Variants in TRPM3 observed in about 807,000 individuals in gnomAD.
TRPM3 encodes transient receptor potential cation channel subfamily M member 3, also known as long transient receptor potential channel 3.
A neutral mutation model predicts 181.2 loss-of-function variants in TRPM3; 77 were observed. That is an observed-to-expected ratio of 0.42 (90% confidence interval 0.35 to 0.51). The LOEUF is 0.51. TRPM3 is among the 20% of genes least tolerant of loss of function. TRPM3 has a pLI of 0.01. For missense variants in TRPM3, 1,759 were observed against 2,196.7 expected, an observed-to-expected ratio of 0.80 and a Z score of 3.98; for synonymous variants, 745 against 796.4, an observed-to-expected ratio of 0.94 and a Z score of 1.09.
At chr9:70,954,296 G>A (rs914386513) in intron 1 of TRPM3, among the ~76,000 whole-genome samples, 4 of 152,042 alleles carry the variant, frequency 2.6e-5, no homozygotes, top group Non-Finnish European at 5.9e-5. Flanking sequence ...AGCATGTCCC[G>A]CAGGCCTCTT....
At chr9:70,780,919 T>C (rs1394390391) in intron 7 of TRPM3, among the ~76,000 whole-genome samples, 1 of 152,198 alleles carries the variant, frequency 6.6e-6, no homozygotes, top group Non-Finnish European at 1.5e-5. Context: ...AAACTCATAT[T>C]CTTTGATAAT....
At chr9:70,608,732 C>G (rs186408131) in intron 19 of TRPM3, among the ~76,000 whole-genome samples, 4 of 152,070 alleles carry the variant, frequency 2.6e-5, no homozygotes, top group Non-Finnish European at 2.9e-5. Context: ...CCCAGCTACT[C>G]GGGAGGCTGA....
chr9:70,573,640 A>C (rs1390566990), intron 22 of TRPM3, among the ~76,000 whole-genome samples: 2 of 151,872 alleles, frequency 1.3e-5, no homozygotes, highest in Non-Finnish European at 2.9e-5. Context: ...CAAAACAAAA[A>C]CCTTGAATTT....
intron 6 of TRPM3, among the ~76,000 whole-genome samples, chr9:70,813,105 A>AT (rs11354405): frequency 1.2e-3 from 181 of 152,036 alleles, no homozygotes; most frequent in Non-Finnish European, 2.0e-3. Flanking sequence ...CGTGACTGTG[A>AT]TTTTTTTTAC....
intron 1 of TRPM3, among the ~76,000 whole-genome samples, chr9:71,266,026 T>G (rs778409806): frequency 2.0e-5 from 3 of 152,204 alleles, no homozygotes; most frequent in African/African-American, 4.8e-5. Context: ...AGATAACAGG[T>G]GTCTGTCTCC....
chr9:71,205,508 T>C (rs2079071534), intron 1 of TRPM3, among the ~76,000 whole-genome samples: 2 of 152,112 alleles, frequency 1.3e-5, no homozygotes, highest in Admixed American at 6.5e-5. Flanking sequence ...GGAGATGAAA[T>C]GGCATCCATG....
intron 21 of TRPM3, among the ~76,000 whole-genome samples, chr9:70,591,786 T>C (rs995856804): frequency 1.9e-4 from 29 of 152,212 alleles, no homozygotes; most frequent in Non-Finnish European, 2.8e-4. Context: ...ATTATATTCT[T>C]ATTCTTGTGG....
At chr9:71,104,411 CA>C (rs2069054969) in intron 1 of TRPM3, among the ~76,000 whole-genome samples, 1 of 152,150 alleles carries the variant, frequency 6.6e-6, no homozygotes. Context: ...TTCAAAACAG[CA>C]AAAACATATC....
chr9:70,547,484 C>T (rs769163473), intron 25 of TRPM3, among the ~76,000 whole-genome samples: 1 of 146,812 alleles, frequency 6.8e-6, no homozygotes. Flanking sequence ...TTCTGTTTTG[C>T]GAGTGCAATT....
chr9:70,841,737 G>A (rs76841578), intron 5 of TRPM3, among the ~76,000 whole-genome samples: 17,052 of 144,250 alleles, frequency 0.12, 1,211 homozygotes, highest in African/African-American at 0.19. Flanking sequence ...TATATATATG[G>A]TGGGATACTG....
At chr9:71,034,516 T>A (rs2057939709) in intron 1 of TRPM3, among the ~76,000 whole-genome samples, 1 of 152,052 alleles carries the variant, frequency 6.6e-6, no homozygotes, top group Non-Finnish European at 1.5e-5. Context: ...GTTAGAGGCA[T>A]CCCATACCTC....
chr9:70,891,711 T>A (rs184305409), intron 1 of TRPM3, among the ~76,000 whole-genome samples: 1 of 152,320 alleles, frequency 6.6e-6, no homozygotes, highest in African/African-American at 2.4e-5. Context: ...GGTTGTTGTA[T>A]AAAATGAACA....
chr9:70,900,745 G>A (rs186847658), intron 1 of TRPM3, among the ~76,000 whole-genome samples: 2 of 152,166 alleles, frequency 1.3e-5, no homozygotes, highest in East Asian at 1.9e-4. Context: ...GCCCTAAATC[G>A]TGGTGATGGT....
intron 1 of TRPM3, chr9:70,917,564 T>TC: frequency 1.7e-6 from 1 of 605,436 alleles, no homozygotes; most frequent in African/African-American, 1.9e-5. Flanking sequence ...CAGTGTTAAG[T>TC]TGTTATATCA....
At chr9:71,301,265 G>A (rs901755919) in intron 1 of TRPM3, among the ~76,000 whole-genome samples, 5 of 152,154 alleles carry the variant, frequency 3.3e-5, no homozygotes, top group African/African-American at 1.2e-4. Flanking sequence ...AGAATGTTTG[G>A]GGACCTGAAT....
At position 70,629,215 on chromosome 9, in the gene TRPM3, C is replaced by CGGGGGGGGGGGGGGGGG. The variant is rs550040624; in HGVS notation, c.1633-3699_1633-3698insCCCCCCCCCCCCCCCCC. Reference sequence around the variant, plus strand: ...GGATAAATGATTCTGTGACCAGTGCCGGGGGGGGGGGGGGCCTGCGTTCTG... The same window carrying CGGGGGGGGGGGGGGGGG: ...GGATAAATGATTCTGTGACCAGTGCCGGGGGGGGGGGGGGGGGGGGGGGGGGGGGGGCCTGCGTTCTG... On this transcript the variant is annotated intron_variant, in intron 12 of 25. Coordinates refer to ENST00000677713, the MANE Select transcript of TRPM3 (RefSeq NM_001366145.2). Among the ~76,000 whole-genome samples, 4 of 10,174 alleles carry CGGGGGGGGGGGGGGGGG rather than the reference C, an allele frequency of 3.9e-4. 1 individual carries two copies. Among genetic ancestry groups the CGGGGGGGGGGGGGGGGG allele is most frequent in the Admixed American group, 2.4e-3 (1 of 424 alleles). 6.7% of individuals were successfully genotyped at this position (10,174 alleles called of 152,430 possible).
At chr9:70,623,708 A>T (rs1169270664) in intron 14 of TRPM3, among the ~76,000 whole-genome samples, 1 of 152,318 alleles carries the variant, frequency 6.6e-6, no homozygotes, top group South Asian at 2.1e-4. Context: ...AAAAATGATT[A>T]ACTTTATTAA....
intron 1 of TRPM3, among the ~76,000 whole-genome samples, chr9:71,146,454 A>AC (rs2075413472): frequency 1.3e-5 from 2 of 152,126 alleles, no homozygotes; most frequent in African/African-American, 4.8e-5. Context: ...GTTTCCTAAC[A>AC]CTAGAATTTT....
At chr9:70,699,304 T>C (rs1428720931) in intron 8 of TRPM3, among the ~76,000 whole-genome samples, 2 of 152,140 alleles carry the variant, frequency 1.3e-5, no homozygotes, top group Non-Finnish European at 2.9e-5. Flanking sequence ...ATGGAGAAGA[T>C]GAGGATTTGG....
Sources: allele counts gnomAD v4.1 joint callset (sites outside exome capture counted in the v4.1 genomes callset), GRCh38; gene constraint gnomAD v4.1.1; transcripts MANE v1.5; gene names NCBI Gene and HGNC (gene_info 2026-07-23, HGNC 2026-07-21).